The following CAMTA1 variants were observed in gnomAD, a reference collection of about 807,000 sequenced individuals.
The protein encoded by CAMTA1 is calmodulin-binding transcription activator 1.
In CAMTA1, 27 loss-of-function variants were observed where a neutral mutation model predicts 170.9. The ratio of observed to expected loss-of-function variants is 0.16; its 90% CI spans 0.12 to 0.22. The LOEUF (loss-of-function observed/expected upper bound fraction) is 0.22, where lower values mean the gene tolerates loss of function less well. Among genes scored for constraint, CAMTA1 ranks in the 10% least tolerant of loss-of-function variants. The pLI is 1.00. For synonymous variants in CAMTA1, 833 were observed against 891.5 expected (o/e 0.93, Z 1.17); for missense variants, 1,619 against 2,217.2 (o/e 0.73, Z 5.42).
chr1:7,352,621 T>G (rs890247892), intron 5 of CAMTA1, among the ~76,000 whole-genome samples: 1 of 152,130 alleles, frequency 6.6e-6, no homozygotes, highest in Non-Finnish European at 1.5e-5. Context: ...TTAAAGTAAA[T>G]GGTCATGAGC....
At chr1:7,750,239 A>G (rs1347910352) in intron 19 of CAMTA1, among the ~76,000 whole-genome samples, 2 of 152,220 alleles carry the variant, frequency 1.3e-5, no homozygotes, top group African/African-American at 2.4e-5. Flanking sequence ...GTTCTTGCAG[A>G]AGGGTCCTGG....
At chr1:7,540,338 C>T (rs1360185958) in intron 6 of CAMTA1, among the ~76,000 whole-genome samples, 1 of 152,202 alleles carries the variant, frequency 6.6e-6, no homozygotes, top group Non-Finnish European at 1.5e-5. Flanking sequence ...AGGGTTTAGT[C>T]AGGGTGAGCT....
At chr1:7,742,991 G>A (rs1242787647) in intron 16 of CAMTA1, among the ~76,000 whole-genome samples, 2 of 152,060 alleles carry the variant, frequency 1.3e-5, no homozygotes, top group African/African-American at 4.8e-5. Flanking sequence ...GAAAGCACTA[G>A]GCCTGCACCA....
At chr1:7,432,267 C>T (rs2092195312) in intron 5 of CAMTA1, among the ~76,000 whole-genome samples, 1 of 152,064 alleles carries the variant, frequency 6.6e-6, no homozygotes, top group Admixed American at 6.5e-5. Flanking sequence ...TTCCACAGAC[C>T]CAGAAACAGG....
intron 3 of CAMTA1, among the ~76,000 whole-genome samples, chr1:6,933,054 T>G (rs1010351726): frequency 1.3e-5 from 2 of 152,112 alleles, no homozygotes; most frequent in Non-Finnish European, 2.9e-5. Flanking sequence ...TGGTGTTGTA[T>G]CTAAGCAATC....
intron 16 of CAMTA1, among the ~76,000 whole-genome samples, chr1:7,744,462 G>A (rs550640030): frequency 2.0e-5 from 3 of 152,206 alleles, no homozygotes; most frequent in East Asian, 1.9e-4. Context: ...CAGACAAAAG[G>A]GGGTGGTTAG....
chr1:7,254,259 G>A (rs975400461), intron 5 of CAMTA1, among the ~76,000 whole-genome samples: 1 of 152,176 alleles, frequency 6.6e-6, no homozygotes, highest in Non-Finnish European at 1.5e-5. Context: ...TCCTAGCAAC[G>A]CGGCCCTCTC....
chr1:7,251,973 G>T lies in CAMTA1; in HGVS notation c.438+2347G>T, dbSNP rs1352172840. 2.0e-5 allele frequency among the ~76,000 whole-genome samples: 3 copies of T among 152,024 alleles called. No individual in the cohort carries two copies. Among genetic ancestry groups the T allele is most frequent in the Non-Finnish European group, 4.4e-5 (3 of 68,016 alleles). ...GAGCTGTGTCTATGTTGATATTGAG[G>T]TCTCTTCATCCCTTTTCACAATCCT... On this transcript the variant is annotated intron_variant, in intron 5 of 22. Coordinates refer to ENST00000303635, the MANE Select transcript of CAMTA1 (RefSeq NM_015215.4). The surrounding 1 kb of genome is among the most constrained non-coding windows in gnomAD (Gnocchi z 5.1).
At chr1:7,429,328 C>T (rs557477434) in intron 5 of CAMTA1, among the ~76,000 whole-genome samples, 5 of 152,240 alleles carry the variant, frequency 3.3e-5, no homozygotes, top group East Asian at 1.9e-4. Context: ...GGAAACTATT[C>T]GCATGGTGAT....
chr1:7,256,826 G>C (rs1332819042), intron 5 of CAMTA1, among the ~76,000 whole-genome samples: 1 of 151,916 alleles, frequency 6.6e-6, no homozygotes, highest in African/African-American at 2.4e-5. Context: ...GGTGTCTGGC[G>C]AGGGCCTGTT....
intron 5 of CAMTA1, among the ~76,000 whole-genome samples, chr1:7,357,842 C>T (rs181406341): frequency 3.3e-5 from 5 of 152,304 alleles, no homozygotes; most frequent in East Asian, 1.9e-4. Flanking sequence ...GGCAGAGTGC[C>T]GGGCTGCTGG....
chr1:7,547,906 G>A lies in CAMTA1; in HGVS notation c.510+80005G>A, dbSNP rs1473122756. On this transcript the variant is annotated intron_variant, in intron 6 of 22. Coordinates refer to ENST00000303635, the MANE Select transcript of CAMTA1 (RefSeq NM_015215.4). This position sits in a 1 kb window ranked among gnomAD's most constrained non-coding sequence, Gnocchi z 5.7. ...GGACCCCCCACTCACCCGTCAATAT[G>A]CCCTTATGCTGTTGTAAGGAGGATT... Among the ~76,000 whole-genome samples, 1 of 152,062 alleles carries A rather than the reference G, an allele frequency of 6.6e-6. No homozygotes were observed. The highest frequency in any genetic ancestry group is 2.4e-5 in the African/African-American group (1 of 41,402).
chr1:6,924,464 C>T (rs774683160), intron 3 of CAMTA1, among the ~76,000 whole-genome samples: 5 of 152,264 alleles, frequency 3.3e-5, no homozygotes, highest in East Asian at 3.9e-4. Flanking sequence ...GAGGGCTCCA[C>T]GACTTTCATC....
intron 5 of CAMTA1, among the ~76,000 whole-genome samples, chr1:7,311,903 C>T (rs948067649): frequency 9.9e-5 from 15 of 152,054 alleles, no homozygotes; most frequent in Non-Finnish European, 2.1e-4. Context: ...TAGGTTATCC[C>T]GTAGTTCAGT....
intron 6 of CAMTA1, among the ~76,000 whole-genome samples, chr1:7,543,438 G>T (rs900537513): frequency 6.6e-6 from 1 of 151,966 alleles, no homozygotes; most frequent in Non-Finnish European, 1.5e-5. Context: ...GAAATATCTC[G>T]CTTTTATTAT....
rs1282545432 is a variant in CAMTA1, at chr1:7,320,214, AC to A, written c.438+70590del. On this transcript the variant is annotated intron_variant, in intron 5 of 22. Transcript: ENST00000303635. ...TCAAAAGGAAAACTTTCAATAATTC[AC>A]CTTTAATTACGATACTTGCTGTAAA... Among the ~76,000 whole-genome samples the A allele has an allele frequency of 9.8e-4, 149 of 152,294 alleles. 3 individuals carry two copies. The highest frequency in any genetic ancestry group is 3.2e-3 in the African/African-American group (131 of 41,562).
rs1336977888 is a variant in CAMTA1, at chr1:7,270,291, A to ATATTTTT, written c.438+20666_438+20667insATTTTTT. ...CACACACACATATATATATATATATATTTTTTTTTTTTTTTCTTGTGAGAT... is the reference window on the plus strand; with the variant it reads ...CACACACACATATATATATATATATATATTTTTTTTTTTTTTTTTTTTCTTGTGAGAT... On this transcript the variant is annotated intron_variant, in intron 5 of 22. Coordinates refer to ENST00000303635, the MANE Select transcript of CAMTA1 (RefSeq NM_015215.4). 1.7e-3 allele frequency among the ~76,000 whole-genome samples: 188 copies of ATATTTTT among 110,506 alleles called. 2 individuals carry two copies. Among genetic ancestry groups the ATATTTTT allele is most frequent in the Non-Finnish European group, 2.3e-3 (124 of 54,226 alleles). The allele number at this position is 110,506 out of a possible 152,430, so 72.5% of individuals were successfully genotyped here.
At chr1:7,348,187 CT>C (rs148620181) in intron 5 of CAMTA1, among the ~76,000 whole-genome samples, 5,241 of 152,302 alleles carry the variant, frequency 0.034, 208 homozygotes, top group African/African-American at 0.097. Flanking sequence ...CTGGTGTCCC[CT>C]TTCTCTTCGT....
chr1:6,992,660 C>A (rs1377025102), intron 3 of CAMTA1, among the ~76,000 whole-genome samples: 1 of 152,154 alleles, frequency 6.6e-6, no homozygotes, highest in East Asian at 1.9e-4. Context: ...GGAGGGAAAG[C>A]AGGCACGTCT....
Sources: allele counts gnomAD v4.1 joint callset (sites outside exome capture counted in the v4.1 genomes callset), GRCh38; gene constraint gnomAD v4.1.1; non-coding constraint Gnocchi (gnomAD v3.1); transcripts MANE v1.5; gene names NCBI Gene and HGNC (gene_info 2026-07-23, HGNC 2026-07-21).